The following HECW1 variants were observed in gnomAD, a reference collection of about 807,000 sequenced individuals.
HECW1 encodes the protein HECT, C2 and WW domain containing E3 ubiquitin protein ligase 1.
In HECW1, 61 loss-of-function variants were observed where a neutral mutation model predicts 182.3. That is an observed-to-expected ratio of 0.33 (90% CI 0.27 to 0.41). The LOEUF is 0.41. Ranked by LOEUF, HECW1 falls within the 10% of genes least tolerant of loss-of-function variation. The probability of loss-of-function intolerance (pLI) is 1.00; values close to 1 mark genes in which losing one functional copy is unlikely to be tolerated. For missense variants in HECW1, 1,739 were observed against 2,108.9 expected (o/e 0.82, Z 3.44); for synonymous variants, 859 against 832.6 (o/e 1.03, Z -0.55).
At chr7:43,504,846 G>A (rs2079513121) in intron 21 of HECW1, among the ~76,000 whole-genome samples, 1 of 152,164 alleles carries the variant, frequency 6.6e-6, no homozygotes, top group Non-Finnish European at 1.5e-5. Context: ...CTGCCCACAA[G>A]GCTAGCAAAC....
intron 16 of HECW1, among the ~76,000 whole-genome samples, chr7:43,478,905 A>G (rs1035309570): frequency 1.3e-5 from 2 of 152,164 alleles, no homozygotes; most frequent in Non-Finnish European, 2.9e-5. Context: ...ATAAAGTATT[A>G]TAGTCACTAC....
intron 26 of HECW1, among the ~76,000 whole-genome samples, chr7:43,545,980 G>C (rs566885371): frequency 2.6e-5 from 4 of 152,146 alleles, no homozygotes; most frequent in African/African-American, 9.6e-5. Context: ...ATCTAGAAAG[G>C]TTCATTATCA....
chr7:43,470,630 CT>C (rs2077981264), intron 16 of HECW1, among the ~76,000 whole-genome samples: 1 of 152,192 alleles, frequency 6.6e-6, no homozygotes, highest in African/African-American at 2.4e-5. Flanking sequence ...CCTCTTCCCC[CT>C]AATTCTCTTT....
At chr7:43,415,427 G>C (rs1275342804) in intron 8 of HECW1, among the ~76,000 whole-genome samples, 1 of 147,656 alleles carries the variant, frequency 6.8e-6, no homozygotes, top group Admixed American at 6.7e-5. Context: ...TCCCTTTGAG[G>C]GTAACCCGAC....
Position 43,444,565 on chromosome 7 carries a change from G to C in HECW1, c.1393G>C (p.Gly465Arg), listed in dbSNP as rs756487834. 2.0e-5 allele frequency: 33 copies of C among 1,610,972 alleles called. 1 individual carries two copies. In the South Asian group the frequency reaches 3.4e-4, roughly 17 times the overall value. Residue 465 changes from glycine to arginine, a missense_variant, in exon 11 of 30, where the codon GGT (glycine) becomes CGT (arginine). Around this residue, in one of 5 missense-constraint regions of HECW1, gnomAD observed 971 missense variants for 1,029.1 expected, o/e 0.94. Transcript: ENST00000395891. The surrounding 1 kb of genome is among the most constrained non-coding windows in gnomAD (Gnocchi z 4.3). ...AEELAEQLDL[G>R]EEASALLLED... Reference sequence around the variant, plus strand: ...AGAGCTGGCCGAGCAGCTGGACCTGGGTGAGGAGGCATCAGCACTGCTGCT... The same window carrying C: ...AGAGCTGGCCGAGCAGCTGGACCTGCGTGAGGAGGCATCAGCACTGCTGCT...
intron 2 of HECW1, among the ~76,000 whole-genome samples, chr7:43,142,150 T>G (rs1788221345): frequency 6.6e-6 from 1 of 152,120 alleles, no homozygotes; most frequent in Non-Finnish European, 1.5e-5. Context: ...GGATGCCTGT[T>G]TTTGTTGTGA....
At chr7:43,462,949 G>A (rs1584983615) in intron 13 of HECW1, among the ~76,000 whole-genome samples, 2 of 152,182 alleles carry the variant, frequency 1.3e-5, no homozygotes, top group Non-Finnish European at 2.9e-5. Context: ...TATGGCTTCT[G>A]TCCCATTTCC....
intron 2 of HECW1, among the ~76,000 whole-genome samples, chr7:43,152,401 T>C (rs530921900): frequency 6.6e-6 from 1 of 152,346 alleles, no homozygotes; most frequent in South Asian, 2.1e-4. Flanking sequence ...ATAAGAGGCA[T>C]AAATTAATAA....
At chr7:43,358,422 T>C (rs1185064310) in intron 5 of HECW1, among the ~76,000 whole-genome samples, 1 of 151,590 alleles carries the variant, frequency 6.6e-6, no homozygotes, top group African/African-American at 2.4e-5. Context: ...GAAAAGACAA[T>C]CAACAGACAT....
intron 2 of HECW1, among the ~76,000 whole-genome samples, chr7:43,242,690 TGTTCCTTCTTGC>T (rs1267804984): frequency 3.3e-5 from 5 of 152,166 alleles, no homozygotes; most frequent in African/African-American, 1.2e-4. Flanking sequence ...GGCCCTAGTG[TGTTCCTTCTTGC>T]GTCTTTTCCT....
At chr7:43,487,556 C>A (rs764081803) in intron 17 of HECW1, among the ~76,000 whole-genome samples, 1 of 152,172 alleles carries the variant, frequency 6.6e-6, no homozygotes, top group Admixed American at 6.5e-5. Context: ...CGCACGTACA[C>A]CCCTGAGAAA....
chr7:43,168,270 C>CAG (rs950804977), intron 2 of HECW1, among the ~76,000 whole-genome samples: 3 of 151,676 alleles, frequency 2.0e-5, no homozygotes, highest in South Asian at 2.1e-4. Flanking sequence ...GTGTGAGAGA[C>CAG]AGAGAGAGAG....
chr7:43,203,426 T>A (rs758386095), intron 2 of HECW1, among the ~76,000 whole-genome samples: 43 of 152,046 alleles, frequency 2.8e-4, no homozygotes, highest in African/African-American at 9.2e-4. Context: ...GAACAAAGGA[T>A]AAGGATATTT....
At position 43,508,912 on chromosome 7, in the gene HECW1, A is replaced by G. The variant is rs1423977287; in HGVS notation, c.3867-57A>G. 4.4e-6 allele frequency: 7 copies of G among 1,579,710 alleles called. No individual in the cohort carries two copies. In the East Asian group the frequency reaches 1.3e-4, roughly 30 times the overall value. ...GGCACACTAGAATCTGGGTGCAAAC[A>G]GGTCCCCCCACCTCCGGGCACAGAA... On this transcript the variant is annotated intron_variant, in intron 23 of 29. Coordinates refer to ENST00000395891, the MANE Select transcript of HECW1 (RefSeq NM_015052.5).
chr7:43,501,183 C>CTTTTT (rs567367189), intron 20 of HECW1, 30 bp from the exon 21 acceptor site: 1,422 of 745,918 alleles, frequency 1.9e-3, no homozygotes, highest in South Asian at 5.6e-3. Context: ...TCTTTTCTTT[C>CTTTTT]TTTTTTTTTT....
chr7:43,453,257 T>C (rs2077293560), intron 12 of HECW1, among the ~76,000 whole-genome samples: 1 of 152,138 alleles, frequency 6.6e-6, no homozygotes, highest in African/African-American at 2.4e-5. Context: ...CAATAGTAGC[T>C]TGGGCCAGGG....
At chr7:43,318,293 A>G (rs933743180) in intron 4 of HECW1, among the ~76,000 whole-genome samples, 12 of 152,226 alleles carry the variant, frequency 7.9e-5, no homozygotes, top group African/African-American at 2.7e-4. Flanking sequence ...CTGAAGACCC[A>G]GGGAGCTAGG....
rs1562714976 is a variant in HECW1, at chr7:43,237,147, AGGTAGGTAGGT to A, written c.-31-6727_-31-6717del. On this transcript the variant is annotated intron_variant, in intron 2 of 29. Coordinates refer to ENST00000395891, the MANE Select transcript of HECW1 (RefSeq NM_015052.5). ...GAAGGAAGGAAGGAAGGAAGTAGGT[AGGTAGGTAGGT>A]AGGTAGGTAGGTAGGTAGGTAGGTA... is the stretch of plus-strand genomic sequence containing the variant. 1.6e-3 allele frequency among the ~76,000 whole-genome samples: 132 copies of A among 83,548 alleles called. 1 individual carries two copies. Among genetic ancestry groups the A allele is most frequent in the Middle Eastern group, 7.7e-3 (1 of 130 alleles). 54.8% of individuals were successfully genotyped at this position (83,548 alleles called of 152,430 possible). A position where few individuals can be genotyped will look rare whatever the true frequency, so the allele number is the denominator to read the frequency against.
At chr7:43,465,738 A>G (rs1252293464) in intron 14 of HECW1, among the ~76,000 whole-genome samples, 1 of 152,058 alleles carries the variant, frequency 6.6e-6, no homozygotes, top group African/African-American at 2.4e-5. Flanking sequence ...GAAATAAGAA[A>G]AAAATAGCCA....
Sources: allele counts gnomAD v4.1 joint callset (sites outside exome capture counted in the v4.1 genomes callset), GRCh38; gene constraint gnomAD v4.1.1; regional missense constraint gnomAD v4.1.1; non-coding constraint Gnocchi (gnomAD v3.1); transcripts MANE v1.5; gene names NCBI Gene and HGNC (gene_info 2026-07-23, HGNC 2026-07-21).